The following DLGAP1 variants were observed in gnomAD, a reference collection of about 807,000 sequenced individuals.
The protein encoded by DLGAP1 is disks large-associated protein 1.
DLGAP1 carries 11 observed loss-of-function variants against 90.8 expected under a neutral mutation model. That is an observed-to-expected ratio of 0.12 (90% confidence interval 0.08 to 0.20). DLGAP1 has a LOEUF of 0.20. DLGAP1 is among the 10% of genes least tolerant of loss of function. The pLI, the probability that DLGAP1 is intolerant of heterozygous loss-of-function variation, is 1.00. For missense variants in DLGAP1, 1,050 were observed against 1,333.8 expected (o/e 0.79, Z 3.31); for synonymous variants, 558 against 540.7 (o/e 1.03, Z -0.44).
In DLGAP1 at chr18:4,291,711, T is replaced by C. The variant is rs78814988; in HGVS notation, c.-266-140424A>G. The stretch of plus-strand genomic sequence containing the variant: ...CTTTATGTCTCACTATTAATTTATA[T>C]TGTGTTTATTGTTAAAATTTCAGCT... On this transcript the variant is annotated intron_variant, in intron 1 of 12. Transcript: ENST00000315677. 2.0e-3 allele frequency among the ~76,000 whole-genome samples: 302 copies of C among 152,326 alleles called. 1 individual carries two copies. The highest frequency in any genetic ancestry group is 6.5e-3 in the African/African-American group (272 of 41,592).
chr18:4,089,629 A>G (rs1037267175), intron 2 of DLGAP1, among the ~76,000 whole-genome samples: 4 of 152,168 alleles, frequency 2.6e-5, no homozygotes, highest in African/African-American at 9.7e-5. Context: ...CAGAAATAAT[A>G]CCACACATTT....
At chr18:4,245,847 C>T (rs1443716581) in intron 1 of DLGAP1, among the ~76,000 whole-genome samples, 2 of 146,568 alleles carry the variant, frequency 1.4e-5, no homozygotes, top group African/African-American at 4.9e-5. Context: ...AAAACAAAGC[C>T]AAGGGCTTGG....
rs115930399 is a variant in DLGAP1, at chr18:4,330,572, C to T, written c.-267+124434G>A. The stretch of plus-strand genomic sequence containing the variant: ...TTTTGTTGCATGGTAACTTCATTTT[C>T]AGTCAGTTCAAAATATTTTCTAATT... On this transcript the variant is annotated intron_variant, in intron 1 of 12. Transcript: ENST00000315677. 5.6e-3 allele frequency among the ~76,000 whole-genome samples: 845 copies of T among 151,868 alleles called. 33 individuals carry two copies. The highest frequency in any genetic ancestry group is 0.019 in the African/African-American group (789 of 41,260).
chr18:3,879,776 C>T lies in DLGAP1; in HGVS notation c.293G>A (p.Arg98His), dbSNP rs754769191. The T allele has an allele frequency of 1.2e-6, 2 of 1,607,294 alleles. No homozygotes were observed. Among genetic ancestry groups the T allele is most frequent in the East Asian group, 4.5e-5 (2 of 44,866 alleles). The change falls in exon 4 of 13, where the codon CGC becomes CAC. Residue 98 changes from arginine (R) to histidine (H), a missense_variant. Arg to His is a conservative substitution (Grantham distance 29). Around this residue, in one of 2 missense-constraint regions of DLGAP1, gnomAD observed 485 missense variants for 454.1 expected, o/e 1.07. Transcript: ENST00000315677. The surrounding 1 kb of genome is among the most constrained non-coding windows in gnomAD (Gnocchi z 6.6). ...CTGGTCCAGCAGGTTGGCGGGGATG[C>T]GGTTCGCCTTGGTGGCCAGGGTGCG... is the stretch of plus-strand genomic sequence containing the variant. ...VPRTLATKAN[R>H]IPANLLDQFE... is the part of the protein sequence containing the mutation.
At chr18:3,976,869 T>C (rs2073592946) in intron 3 of DLGAP1, among the ~76,000 whole-genome samples, 1 of 152,324 alleles carries the variant, frequency 6.6e-6, no homozygotes, top group African/African-American at 2.4e-5. Flanking sequence ...GATTAGGTCA[T>C]ATCATTTTTT....
In DLGAP1 at chr18:3,833,795, AT is replaced by A. The variant is rs535045212; in HGVS notation, c.958-19523del. ...AAATTTACCTGAATAATTTATCTGA[AT>A]GATAAAATTTTGATACCTTTATTAA... On this transcript the variant is annotated intron_variant, in intron 4 of 12. Coordinates refer to ENST00000315677, the MANE Select transcript of DLGAP1 (RefSeq NM_004746.4). Among the ~76,000 whole-genome samples the A allele has an allele frequency of 5.1e-3, 771 of 152,328 alleles. 12 individuals are homozygous for A. The highest frequency in any genetic ancestry group is 0.018 in the African/African-American group (740 of 41,560).
chr18:4,410,249 C>CT (rs754622656), intron 1 of DLGAP1, among the ~76,000 whole-genome samples: 1 of 152,056 alleles, frequency 6.6e-6, no homozygotes, highest in Non-Finnish European at 1.5e-5. Context: ...CAAATCTTCA[C>CT]TAAAGAACTC....
chr18:3,879,293 C>A lies in DLGAP1; in HGVS notation c.776G>T (p.Cys259Phe). 1 of 1,595,822 alleles carries A rather than the reference C, an allele frequency of 6.3e-7. No homozygotes were observed. Among genetic ancestry groups the A allele is most frequent in the Non-Finnish European group, 8.5e-7 (1 of 1,170,642 alleles). Residue 259 changes from cysteine (C) to phenylalanine (F), a missense_variant, in exon 4 of 13, where the codon TGC (cysteine) becomes TTC (phenylalanine). Cys to Phe is a radical substitution (Grantham distance 205). Transcript: ENST00000315677. The surrounding 1 kb of genome is among the most constrained non-coding windows in gnomAD (Gnocchi z 6.6). The stretch of plus-strand genomic sequence containing the variant: ...GACCGGCAGGTTGGCGCAGGTGGAG[C>A]ACTTGACGTCGTTGTTGCTCCGGGA... Reference protein sequence around the residue: ...KASRSNNDVKCSTCANLPVSL... With the variant: ...KASRSNNDVKFSTCANLPVSL...
At chr18:4,330,817 T>C (rs509532) in intron 1 of DLGAP1, among the ~76,000 whole-genome samples, 50,892 of 151,552 alleles carry the variant, frequency 0.34, 8,871 homozygotes, top group African/African-American at 0.38. Flanking sequence ...TCTTGGTGTG[T>C]ATTTTCTGTT....
chr18:4,311,608 G>A (rs545796951), intron 1 of DLGAP1, among the ~76,000 whole-genome samples: 1 of 152,204 alleles, frequency 6.6e-6, no homozygotes, highest in South Asian at 2.1e-4. Flanking sequence ...TAGGCCATTA[G>A]TGGATCATTG....
chr18:4,210,183 T>A (rs561627234), intron 1 of DLGAP1, among the ~76,000 whole-genome samples: 1 of 152,338 alleles, frequency 6.6e-6, no homozygotes, highest in Non-Finnish European at 1.5e-5. Context: ...GTCTGAGTCC[T>A]TCCCTGGCCT....
At chr18:3,871,792 T>A (rs552595393) in intron 4 of DLGAP1, among the ~76,000 whole-genome samples, 18 of 152,280 alleles carry the variant, frequency 1.2e-4, no homozygotes, top group Admixed American at 5.2e-4. Context: ...GAATCAGAGA[T>A]CAAAAACAGC....
intron 1 of DLGAP1, among the ~76,000 whole-genome samples, chr18:4,374,408 G>A (rs2320211): frequency 0.32 from 48,105 of 151,934 alleles, 8,587 homozygotes; most frequent in South Asian, 0.48. Context: ...ATTATTGAAA[G>A]TACTAGAGCT....
At chr18:4,238,673 T>C (rs1251331630) in intron 1 of DLGAP1, among the ~76,000 whole-genome samples, 2 of 152,190 alleles carry the variant, frequency 1.3e-5, no homozygotes, top group South Asian at 2.1e-4. Context: ...GGATTATATA[T>C]GTATAGCAGC....
At chr18:3,769,754 A>G (rs1272474729) in intron 5 of DLGAP1, among the ~76,000 whole-genome samples, 1 of 152,020 alleles carries the variant, frequency 6.6e-6, no homozygotes. Context: ...TGAGGGACCC[A>G]TGCAATGATG....
chr18:3,870,546 C>T (rs1013562649), intron 4 of DLGAP1, among the ~76,000 whole-genome samples: 7 of 152,112 alleles, frequency 4.6e-5, no homozygotes, highest in African/African-American at 1.7e-4. Context: ...GTCCCATGGT[C>T]CCATTGTTCC....
intron 7 of DLGAP1, among the ~76,000 whole-genome samples, chr18:3,701,908 G>C (rs904882275): frequency 6.6e-6 from 1 of 152,152 alleles, no homozygotes; most frequent in Non-Finnish European, 1.5e-5. Flanking sequence ...GTGAGAGACG[G>C]AGAGACATAG....
At chr18:3,628,908 T>A (rs1257596342) in intron 7 of DLGAP1, among the ~76,000 whole-genome samples, 1 of 152,110 alleles carries the variant, frequency 6.6e-6, no homozygotes. Context: ...ATATTTAGGG[T>A]TTTTTTGGTA....
intron 7 of DLGAP1, among the ~76,000 whole-genome samples, chr18:3,588,059 T>C (rs2055998782): frequency 6.6e-6 from 1 of 152,236 alleles, no homozygotes; most frequent in Admixed American, 6.5e-5. Context: ...CTTATCCATT[T>C]ATGAGAGAGT....
Sources: gnomAD v4.1 joint callset for allele counts (sites outside exome capture counted in the v4.1 genomes callset) on GRCh38, gnomAD v4.1.1 for gene constraint, gnomAD v4.1.1 regional missense constraint, Gnocchi (gnomAD v3.1) non-coding constraint, MANE v1.5 for transcripts, NCBI Gene and HGNC (gene_info 2026-07-23, HGNC 2026-07-21) for gene names.